NGFR: variants seen among roughly 807,000 people sequenced by gnomAD.
The protein encoded by NGFR is tumor necrosis factor receptor superfamily member 16.
In NGFR, 30 loss-of-function variants were observed where a neutral mutation model predicts 43.2. That is an observed-to-expected ratio of 0.69 (90% CI 0.52 to 0.94). The LOEUF (loss-of-function observed/expected upper bound fraction) is 0.94. Among genes scored for constraint, NGFR ranks in the 40% least tolerant of loss-of-function variants. NGFR has a pLI of 0.00. For missense variants in NGFR, 529 were observed against 602.5 expected (o/e 0.88, Z 1.28); for synonymous variants, 246 against 259.6 (o/e 0.95, Z 0.50).
At chr17:49,504,594 C>G (rs1191928211) in intron 2 of NGFR, among the ~76,000 whole-genome samples, 2 of 151,974 alleles carry the variant, frequency 1.3e-5, no homozygotes, top group Non-Finnish European at 2.9e-5. Flanking sequence ...AGTAAAACAC[C>G]CAAAGTCACA....
intron 1 of NGFR, among the ~76,000 whole-genome samples, chr17:49,500,970 C>G (rs1004752361): frequency 7.2e-5 from 11 of 152,216 alleles, no homozygotes; most frequent in African/African-American, 2.7e-4. Flanking sequence ...GTAAAGCTTC[C>G]CTCTGGTCCC....
At chr17:49,502,228 A>G (rs1279646214) in intron 2 of NGFR, 24 bp downstream of exon 2, 4 of 1,572,682 alleles carry the variant, frequency 2.5e-6, no homozygotes, top group Admixed American at 1.7e-5. Context: ...GGCGGGCAGG[A>G]GGAGGGGAGA....
At chr17:49,511,519 G>GT (rs761370884) in intron 4 of NGFR, among the ~76,000 whole-genome samples, 21,659 of 141,298 alleles carry the variant, frequency 0.15, 1,648 homozygotes, top group South Asian at 0.22. Flanking sequence ...ATGGACATTT[G>GT]TTTTTTTTTT....
intron 1 of NGFR, 64 bp from the exon 2 acceptor site, chr17:49,501,999 A>ATGGGGC: frequency 1.1e-4 from 38 of 330,970 alleles, no homozygotes; most frequent in Non-Finnish European, 1.9e-4. Flanking sequence ...TCCCCGGAAG[A>ATGGGGC]ACCCCCCCCA....
Position 49,510,617 on chromosome 17 carries a change from C to T in NGFR, c.774C>T (p.Ile258=), listed in dbSNP as rs1469549998. 7 of 1,613,946 alleles carry T rather than the reference C, an allele frequency of 4.3e-6. No homozygotes were observed. The highest frequency in any genetic ancestry group is 5.1e-6 in the Non-Finnish European group (6 of 1,179,930). ...TDNLIPVYCS[I]LAAVVVGLVA... Reference sequence around the variant, plus strand: ...ACCTCATCCCTGTCTATTGCTCCATCCTGGCTGCTGTGGTTGTGGGCCTTG... The same window carrying T: ...ACCTCATCCCTGTCTATTGCTCCATTCTGGCTGCTGTGGTTGTGGGCCTTG... Residue 258 remains isoleucine, a synonymous_variant, in exon 4 of 6, where the codon ATC becomes ATT. Coordinates refer to ENST00000172229, the MANE Select transcript of NGFR (RefSeq NM_002507.4).
In NGFR at chr17:49,502,101, C is replaced by A; in HGVS notation, c.105C>A (p.Gly35=). Residue 35 remains glycine, a synonymous_variant, in exon 2 of 6, where the codon GGC becomes GGA. Coordinates refer to ENST00000172229, the MANE Select transcript of NGFR (RefSeq NM_002507.4). The stretch of plus-strand genomic sequence containing the variant: ...GTGCCAAGGAGGCATGCCCCACAGG[C>A]CTGTACACACACAGCGGTGAGTGCT... ...LGGAKEACPT[G]LYTHSGECCK... The A allele has an allele frequency of 6.2e-7, 1 of 1,610,192 alleles. No homozygotes were observed. The highest frequency in any genetic ancestry group is 8.5e-7 in the Non-Finnish European group (1 of 1,178,140).
intron 3 of NGFR, among the ~76,000 whole-genome samples, chr17:49,508,839 C>T (rs2071214766): frequency 6.6e-6 from 1 of 152,170 alleles, no homozygotes. Context: ...TTGCTACCCT[C>T]CCAGCCTTCC....
At chr17:49,499,838 C>T (rs2071157437) in intron 1 of NGFR, among the ~76,000 whole-genome samples, 1 of 152,170 alleles carries the variant, frequency 6.6e-6, no homozygotes, top group African/African-American at 2.4e-5. Flanking sequence ...CTGCCTGCCT[C>T]GGCCTCCCAA....
Position 49,512,139 on chromosome 17 carries a change from G to C in NGFR, c.982+87G>C, listed in dbSNP as rs11466160. Reference sequence around the variant, plus strand: ...AGATTAGACTCCAGGAAGGACTGTCGGGGGGGCGGCAGGGCTGGCTCAGCG... The same window carrying C: ...AGATTAGACTCCAGGAAGGACTGTCCGGGGGGCGGCAGGGCTGGCTCAGCG... On this transcript the variant is annotated intron_variant, in intron 5 of 5. Transcript: ENST00000172229. The surrounding 1 kb of genome is among the most constrained non-coding windows in gnomAD (Gnocchi z 5.2). The C allele has an allele frequency of 1.1e-3, 1,614 of 1,478,884 alleles. 17 individuals carry two copies. The African/African-American group carries it at 0.019, about 17-fold the overall frequency. The allele number at this position is 1,478,884 out of a possible 1,614,324, so 91.6% of individuals were successfully genotyped here.
Position 49,513,303 on chromosome 17 carries a change from G to T in NGFR, c.*294G>T. 1 of 442,904 alleles carries T rather than the reference G, an allele frequency of 2.3e-6. No homozygotes were observed. Among genetic ancestry groups the T allele is most frequent in the Non-Finnish European group, 4.0e-6 (1 of 247,822 alleles). The allele number at this position is 442,904 out of a possible 1,614,324, so 27.4% of individuals were successfully genotyped here. A position where few individuals can be genotyped will look rare whatever the true frequency, so the allele number is the denominator to read the frequency against. On this transcript the variant is annotated 3_prime_UTR_variant, in exon 6 of 6. Transcript: ENST00000172229. ...GCCACCTGCCCCCTTCTCCCACACT[G>T]CTAGGTGGGCCAGCCCCTCCCACCA... is the stretch of plus-strand genomic sequence containing the variant.
At chr17:49,505,032 A>G (rs2071188887) in intron 2 of NGFR, among the ~76,000 whole-genome samples, 1 of 151,964 alleles carries the variant, frequency 6.6e-6, no homozygotes, top group South Asian at 2.1e-4. Context: ...TTGGCCTCCC[A>G]AAGTGCTGGG....
rs775335082 is a variant in NGFR at position 49,506,622 on chromosome 17, C to T, written c.532C>T (p.Arg178Cys). 2.5e-6 allele frequency: 4 copies of T among 1,581,168 alleles called. No individual in the cohort carries two copies. The highest frequency in any genetic ancestry group is 2.3e-5 in the East Asian group (1 of 43,478). ...GTGCGAGGACACCGAGCGCCAGCTC[C>T]GCGAGTGCACACGCTGGGCCGACGC... ...TVCEDTERQLRECTRWADAEC... is the reference protein window; with the variant it reads ...TVCEDTERQLCECTRWADAEC... The change falls in exon 3 of 6, where the codon CGC becomes TGC. Residue 178 changes from arginine to cysteine, a missense_variant. Arg to Cys is a radical substitution (Grantham distance 180). Coordinates refer to ENST00000172229, the MANE Select transcript of NGFR (RefSeq NM_002507.4).
chr17:49,503,874 G>A (rs72837246), intron 2 of NGFR, among the ~76,000 whole-genome samples: 2,283 of 152,300 alleles, frequency 0.015, 17 homozygotes, highest in Non-Finnish European at 0.025. Flanking sequence ...TAAATGATGG[G>A]AACCCTTTCC....
Position 49,506,319 on chromosome 17 carries a change from G to A in NGFR, c.229G>A (p.Val77Met), listed in dbSNP as rs115146121. Residue 77 changes from valine (V) to methionine (M), a missense_variant, in exon 3 of 6, where the codon GTG becomes ATG. Coordinates refer to ENST00000172229, the MANE Select transcript of NGFR (RefSeq NM_002507.4). ...CTCAGGCGTGACGTTCTCCGACGTG[G>A]TGAGCGCGACCGAGCCGTGCAAGCC... ...CLDSVTFSDV[V>M]SATEPCKPCT... 5.5e-4 allele frequency: 865 copies of A among 1,569,676 alleles called. 6 individuals carry two copies. The East Asian group carries it at 0.014, about 26-fold the overall frequency.
chr17:49,509,922 GGACAGGAGT>G (rs2071220824), intron 3 of NGFR, among the ~76,000 whole-genome samples: 1 of 152,170 alleles, frequency 6.6e-6, no homozygotes, highest in Non-Finnish European at 1.5e-5. Flanking sequence ...TCTTTCCTTA[GGACAGGAGT>G]GACTAGGGTC....
At chr17:49,496,350 C>G (rs2071137986) in intron 1 of NGFR, 1 of 152,248 alleles carries the variant, frequency 6.6e-6, no homozygotes, top group Non-Finnish European at 1.5e-5. Flanking sequence ...GCCCACTTCG[C>G]CGGGGCGAAC....
At chr17:49,499,956 C>T (rs558634492) in intron 1 of NGFR, among the ~76,000 whole-genome samples, 3 of 151,280 alleles carry the variant, frequency 2.0e-5, no homozygotes, top group Non-Finnish European at 4.4e-5. Context: ...AATAGATTAG[C>T]GTGGTGGGGG....
chr17:49,513,444 G>A lies in NGFR; in HGVS notation c.*435G>A, dbSNP rs1028824513. Reference sequence around the variant, plus strand: ...ACCAGAGCCATGGACTCTACACTGTGAACTTGGGGAACAAGGGTGGCATCC... The same window carrying A: ...ACCAGAGCCATGGACTCTACACTGTAAACTTGGGGAACAAGGGTGGCATCC... On this transcript the variant is annotated 3_prime_UTR_variant, in exon 6 of 6. Transcript: ENST00000172229. The A allele has an allele frequency of 1.2e-5, 2 of 166,122 alleles. No homozygotes were observed. Among genetic ancestry groups the A allele is most frequent in the East Asian group, 3.5e-4 (2 of 5,716 alleles). The allele number at this position is 166,122 out of a possible 1,614,324, so 10.3% of individuals were successfully genotyped here.
At position 49,512,538 on chromosome 17, in the gene NGFR, C is replaced by T. The variant is rs1337516379; in HGVS notation, c.983-170C>T. On this transcript the variant is annotated intron_variant, in intron 5 of 5. Coordinates refer to ENST00000172229, the MANE Select transcript of NGFR (RefSeq NM_002507.4). The surrounding 1 kb of genome is among the most constrained non-coding windows in gnomAD (Gnocchi z 5.2). ...GTGACAGGAGGAAGGGACAACGAGT[C>T]CCCCCAGGTGCCTTCACTTCCTGGT... is the stretch of plus-strand genomic sequence containing the variant. Among the ~76,000 whole-genome samples, 4 of 152,120 alleles carry T rather than the reference C, an allele frequency of 2.6e-5. No individual in the cohort carries two copies. Among genetic ancestry groups the T allele is most frequent in the Non-Finnish European group, 4.4e-5 (3 of 67,996 alleles).
Sources: allele counts gnomAD v4.1 joint callset (sites outside exome capture counted in the v4.1 genomes callset), GRCh38; gene constraint gnomAD v4.1.1; non-coding constraint Gnocchi (gnomAD v3.1); transcripts MANE v1.5; gene names NCBI Gene and HGNC (gene_info 2026-07-23, HGNC 2026-07-21).